CEP83: variants seen among roughly 807,000 people sequenced by gnomAD.
CEP83 encodes centrosomal protein of 83 kDa.
A neutral mutation model predicts 101.9 loss-of-function variants in CEP83; 70 were observed. The ratio of observed to expected loss-of-function variants is 0.69; its 90% CI spans 0.57 to 0.84. CEP83 has a LOEUF of 0.84. CEP83 is among the 40% of genes least tolerant of loss of function. The pLI, the probability that CEP83 is intolerant of heterozygous loss-of-function variation, is 0.00. For missense variants in CEP83, 715 were observed against 787.2 expected (o/e 0.91, Z 1.10); for synonymous variants, 264 against 267.9 (o/e 0.99, Z 0.14).
At chr12:94,427,568 G>A (rs1331965783) in intron 2 of CEP83, among the ~76,000 whole-genome samples, 1 of 152,164 alleles carries the variant, frequency 6.6e-6, no homozygotes, top group African/African-American at 2.4e-5. Flanking sequence ...GCAGTGAGTA[G>A]TACAATGTCT....
At chr12:94,280,188 G>A in the CEP83 span, 282 of 217,936 alleles carry the variant, frequency 1.3e-3, 3 homozygotes, top group African/African-American at 6.3e-3. Context: ...ATTCATTTTC[G>A]GGCTCTACTG....
chr12:94,299,585 G>T, the CEP83 span, among the ~76,000 whole-genome samples: 1 of 151,906 alleles, frequency 6.6e-6, no homozygotes, highest in Non-Finnish European at 1.5e-5. Flanking sequence ...TTGAGACAGG[G>T]TCTCACTCTT....
At chr12:94,309,064 C>A in intron 16 of CEP83, 147 bp from the exon 17 acceptor site, 1 of 583,900 alleles carries the variant, frequency 1.7e-6, no homozygotes, top group Non-Finnish European at 3.0e-6. Flanking sequence ...GTAGCATGGG[C>A]TAAACTACCA....
intron 1 of CEP83, among the ~76,000 whole-genome samples, chr12:94,455,981 A>G (rs1256596674): frequency 2.0e-5 from 3 of 152,098 alleles, no homozygotes; most frequent in East Asian, 3.9e-4. Context: ...CCACGAGTTC[A>G]AGGTTGCAGT....
chr12:94,377,168 A>T (rs1455459112), intron 7 of CEP83, among the ~76,000 whole-genome samples: 1 of 152,230 alleles, frequency 6.6e-6, no homozygotes. Flanking sequence ...CCCATCACAA[A>T]TTGAAAATAC....
intron 11 of CEP83, among the ~76,000 whole-genome samples, chr12:94,341,258 T>G (rs530753026): frequency 2.6e-5 from 4 of 152,274 alleles, no homozygotes; most frequent in Admixed American, 6.5e-5. Context: ...TAATAAAGGA[T>G]CTGTCAAAGC....
At chr12:94,356,378 C>T (rs1003228227) in intron 11 of CEP83, among the ~76,000 whole-genome samples, 1 of 152,146 alleles carries the variant, frequency 6.6e-6, no homozygotes, top group East Asian at 1.9e-4. Flanking sequence ...CAGGTTCATC[C>T]CTACCCTTCT....
intron 1 of CEP83, among the ~76,000 whole-genome samples, chr12:94,439,322 T>C (rs1418181693): frequency 6.6e-6 from 1 of 151,916 alleles, no homozygotes; most frequent in Non-Finnish European, 1.5e-5. Flanking sequence ...AACAGCTCAA[T>C]TAGAAACAAA....
intron 6 of CEP83, among the ~76,000 whole-genome samples, chr12:94,387,144 C>G (rs2062195532): frequency 6.6e-6 from 1 of 152,120 alleles, no homozygotes; most frequent in African/African-American, 2.4e-5. Context: ...TGGACATTAG[C>G]CTTGGCAAAA....
At chr12:94,303,931 GT>G, downstream of CEP83, 1 of 1,606,050 alleles carries the variant, frequency 6.2e-7, no homozygotes, top group Non-Finnish European at 8.5e-7. Context: ...CTTATATTTG[GT>G]TACTTTACGT....
At chr12:94,367,687 A>T (rs1370967191) in intron 11 of CEP83, 107 bp downstream of exon 11, 2 of 624,328 alleles carry the variant, frequency 3.2e-6, no homozygotes, top group African/African-American at 3.8e-5. Context: ...TATTTGGGAG[A>T]TCAGGGTGAA....
chr12:94,303,748 T>C (rs1057978), downstream of CEP83: 7,700 of 1,406,850 alleles, frequency 5.5e-3, 327 homozygotes, highest in African/African-American at 0.099. Flanking sequence ...TTTTTTTTTT[T>C]TCCCCAGGAA....
At chr12:94,408,541 A>G (rs2063688449) in intron 4 of CEP83, among the ~76,000 whole-genome samples, 1 of 152,194 alleles carries the variant, frequency 6.6e-6, no homozygotes, top group Admixed American at 6.5e-5. Context: ...TAGTAACACA[A>G]TAACAACATG....
chr12:94,427,335 T>C (rs539775634), intron 2 of CEP83, among the ~76,000 whole-genome samples: 1 of 152,334 alleles, frequency 6.6e-6, no homozygotes, highest in South Asian at 2.1e-4. Flanking sequence ...AAACATTATC[T>C]CGATTGGCCT....
chr12:94,301,045 G>T, the CEP83 span: 3 of 1,613,702 alleles, frequency 1.9e-6, no homozygotes, highest in East Asian at 6.7e-5. Flanking sequence ...TCACAGAGCA[G>T]CAACTAGGGA....
chr12:94,405,583 C>CAAA (rs2063488709), intron 4 of CEP83, among the ~76,000 whole-genome samples: 1 of 152,084 alleles, frequency 6.6e-6, no homozygotes, highest in Non-Finnish European at 1.5e-5. Flanking sequence ...CACTTTCAGC[C>CAAA]AAGATAGAAT....
chr12:94,386,513 T>C (rs2062158294), intron 6 of CEP83, among the ~76,000 whole-genome samples: 1 of 152,202 alleles, frequency 6.6e-6, no homozygotes, highest in Non-Finnish European at 1.5e-5. Context: ...AAAGATCATG[T>C]AGCTCAATTT....
At chr12:94,396,277 T>C (rs2062885692) in intron 6 of CEP83, among the ~76,000 whole-genome samples, 1 of 147,396 alleles carries the variant, frequency 6.8e-6, no homozygotes, top group African/African-American at 2.5e-5. Flanking sequence ...TGAAAAAGCA[T>C]GACTTTTTTT....
chr12:94,303,251 T>G (rs1476892582), downstream of CEP83, among the ~76,000 whole-genome samples: 1 of 152,160 alleles, frequency 6.6e-6, no homozygotes, highest in African/African-American at 2.4e-5. Context: ...GTCTATAATC[T>G]AATGAAATAA....
Sources: gnomAD v4.1 joint callset for allele counts (sites outside exome capture counted in the v4.1 genomes callset) on GRCh38, gnomAD v4.1.1 for gene constraint, MANE v1.5 for transcripts, NCBI Gene and HGNC (gene_info 2026-07-23, HGNC 2026-07-21) for gene names.